Variants in RARB observed in about 807,000 individuals in gnomAD.
RARB encodes the protein retinoic acid receptor beta.
In RARB, 17 loss-of-function variants were observed where a neutral mutation model predicts 51.9. That is an observed-to-expected ratio of 0.33 (90% confidence interval 0.22 to 0.49). The LOEUF (loss-of-function observed/expected upper bound fraction) is 0.49. Among genes scored for constraint, RARB ranks in the 20% least tolerant of loss-of-function variants. The pLI is 0.99. For missense variants in RARB, 369 were observed against 550.8 expected (o/e 0.67, Z 3.30); for synonymous variants, 215 against 195.4 (o/e 1.10, Z -0.84).
chr3:24,997,055 A>G (rs1477408218), intron 2 of RARB, among the ~76,000 whole-genome samples: 1 of 152,118 alleles, frequency 6.6e-6, no homozygotes, highest in Non-Finnish European at 1.5e-5. Context: ...AGAGTGGGAT[A>G]TTGAGTTCTC....
chr3:24,963,342 A>G (rs1375995183), intron 2 of RARB, among the ~76,000 whole-genome samples: 1 of 151,006 alleles, frequency 6.6e-6, no homozygotes, highest in East Asian at 2.0e-4. Flanking sequence ...GAGGCAAGAC[A>G]CTGGAAACGC....
chr3:25,001,065 C>T (rs1697149026), intron 2 of RARB, among the ~76,000 whole-genome samples: 1 of 151,938 alleles, frequency 6.6e-6, no homozygotes, highest in Non-Finnish European at 1.5e-5. Flanking sequence ...CCTACAGTCT[C>T]AGTGGCCATA....
chr3:25,134,525 T>C (rs1461359497), intron 4 of RARB, among the ~76,000 whole-genome samples: 2 of 151,998 alleles, frequency 1.3e-5, no homozygotes, highest in Non-Finnish European at 2.9e-5. Flanking sequence ...AGCTAAAACG[T>C]GTACAGTTCT....
Position 24,962,858 on chromosome 3 carries a change from C to T in RARB, c.-379-97267C>T, listed in dbSNP as rs77490113. On this transcript the variant is annotated intron_variant, in intron 2 of 11. Transcript: ENST00000383772. ...TTATGCCCATTTTTATGTGTTAACT[C>T]AATTAATCCTCTTAGCTACTTTTTA... 5.0e-3 allele frequency among the ~76,000 whole-genome samples: 767 copies of T among 152,208 alleles called. 5 individuals carry two copies. Among genetic ancestry groups the T allele is most frequent in the African/African-American group, 0.018 (738 of 41,534 alleles).
intron 5 of RARB, among the ~76,000 whole-genome samples, chr3:25,318,598 A>T (rs1041469072): frequency 6.6e-6 from 1 of 152,198 alleles, no homozygotes; most frequent in Admixed American, 6.5e-5. Flanking sequence ...TTGGAAATGT[A>T]TGTGTAGGTA....
chr3:25,050,143 G>T (rs1320794258), intron 2 of RARB, among the ~76,000 whole-genome samples: 1 of 152,184 alleles, frequency 6.6e-6, no homozygotes, highest in Non-Finnish European at 1.5e-5. Context: ...AAGTTTCTGG[G>T]CTTGGAGTTT....
intron 2 of RARB, among the ~76,000 whole-genome samples, chr3:24,970,432 TG>T (rs1055585177): frequency 6.6e-6 from 1 of 152,006 alleles, no homozygotes; most frequent in African/African-American, 2.4e-5. Flanking sequence ...TAGTCCATAC[TG>T]GGGAGTCTAC....
chr3:25,323,732 A>G (rs1274955878), intron 5 of RARB, among the ~76,000 whole-genome samples: 1 of 152,230 alleles, frequency 6.6e-6, no homozygotes. Flanking sequence ...GCCCACACGA[A>G]GATGAAGAGC....
Position 25,501,074 on chromosome 3 carries a change from C to G in RARB, c.307-108C>G, listed in dbSNP as rs766553729. On this transcript the variant is annotated intron_variant, in intron 2 of 7. Coordinates refer to ENST00000330688, the MANE Select transcript of RARB (RefSeq NM_000965.5). ...TGTAAGTTAACTTTTCTGCTGCCAT[C>G]ACTTCGTTACTCAAAAAGAGCAATT... 4 of 1,291,346 alleles carry G rather than the reference C, an allele frequency of 3.1e-6. No individual in the cohort carries two copies. In the African/African-American group the frequency reaches 6.1e-5, roughly 20 times the overall value. 80.0% of individuals were successfully genotyped at this position (1,291,346 alleles called of 1,614,324 possible).
At chr3:25,503,794 C>A (rs376668150) in intron 3 of RARB, among the ~76,000 whole-genome samples, 5 of 152,128 alleles carry the variant, frequency 3.3e-5, no homozygotes, top group Admixed American at 1.3e-4. Context: ...CCACAGTATA[C>A]GCAACTGAAA....
chr3:24,985,529 T>C (rs1015896843), intron 2 of RARB, among the ~76,000 whole-genome samples: 3 of 152,162 alleles, frequency 2.0e-5, no homozygotes, highest in African/African-American at 7.2e-5. Flanking sequence ...AGGTTTTCCT[T>C]TGGGGAAAAA....
At chr3:24,956,053 C>T (rs530650081) in intron 2 of RARB, among the ~76,000 whole-genome samples, 1 of 152,178 alleles carries the variant, frequency 6.6e-6, no homozygotes, top group East Asian at 1.9e-4. Context: ...AGTCCCTGAT[C>T]TCTGAATTGA....
At chr3:25,205,130 G>C (rs1463628973) in intron 5 of RARB, among the ~76,000 whole-genome samples, 1 of 152,142 alleles carries the variant, frequency 6.6e-6, no homozygotes, top group Admixed American at 6.5e-5. Context: ...AATGGCGGGT[G>C]CCCCTCCCCC....
At chr3:25,042,106 G>C (rs901820996) in intron 2 of RARB, among the ~76,000 whole-genome samples, 10 of 152,170 alleles carry the variant, frequency 6.6e-5, no homozygotes, top group African/African-American at 2.4e-4. Context: ...CTGTGCTCCT[G>C]CTGACTGATG....
intron 3 of RARB, among the ~76,000 whole-genome samples, chr3:25,071,916 A>G (rs983046689): frequency 2.0e-5 from 3 of 152,218 alleles, no homozygotes; most frequent in Admixed American, 1.3e-4. Flanking sequence ...AAAGCCCTCA[A>G]TGTGATATTT....
rs567715325 is a variant in RARB at position 25,304,781 on chromosome 3, C to T, written c.178+130206C>T. Among the ~76,000 whole-genome samples, 3 of 152,306 alleles carry T rather than the reference C, an allele frequency of 2.0e-5. No homozygotes were observed. The East Asian group carries it at 5.8e-4, about 29-fold the overall frequency. ...ATAGTGATCCTTTTACAATGCAAGTCAAGTCATGTCCCTCCCTATTCAAAG... is the reference window on the plus strand; with the variant it reads ...ATAGTGATCCTTTTACAATGCAAGTTAAGTCATGTCCCTCCCTATTCAAAG... On this transcript the variant is annotated intron_variant, in intron 5 of 11. Coordinates refer to the RARB transcript ENST00000383772.
chr3:25,315,112 A>G (rs1704389204), intron 5 of RARB, among the ~76,000 whole-genome samples: 1 of 152,202 alleles, frequency 6.6e-6, no homozygotes, highest in Non-Finnish European at 1.5e-5. Flanking sequence ...GTGGACATTT[A>G]AAATTCATGC....
At chr3:24,847,921 T>A (rs1440415695) in intron 1 of RARB, among the ~76,000 whole-genome samples, 1 of 152,228 alleles carries the variant, frequency 6.6e-6, no homozygotes, top group Non-Finnish European at 1.5e-5. Context: ...CCATAGCCAC[T>A]TCAACTGTAA....
At chr3:25,127,251 G>T (rs1699875364) in intron 3 of RARB, among the ~76,000 whole-genome samples, 1 of 152,056 alleles carries the variant, frequency 6.6e-6, no homozygotes, top group Non-Finnish European at 1.5e-5. Context: ...ACCTGATCTG[G>T]CCCTGCAAAC....
Sources: gnomAD v4.1 joint callset for allele counts (sites outside exome capture counted in the v4.1 genomes callset) on GRCh38, gnomAD v4.1.1 for gene constraint, MANE v1.5 for transcripts, NCBI Gene and HGNC (gene_info 2026-07-23, HGNC 2026-07-21) for gene names.